The following SEZ6L variants were observed in gnomAD, a reference collection of about 807,000 sequenced individuals.
The protein encoded by SEZ6L is seizure related 6 homolog like, also known as seizure 6-like protein.
SEZ6L carries 37 observed loss-of-function variants against 106.2 expected under a neutral mutation model. The observed-to-expected ratio is 0.35, with a 90% CI of 0.27 to 0.46. SEZ6L has a LOEUF of 0.46. SEZ6L is among the 20% of genes least tolerant of loss of function. SEZ6L has a pLI of 1.00. For synonymous variants in SEZ6L, 541 were observed against 570.4 expected, an observed-to-expected ratio of 0.95 and a Z score of 0.73; for missense variants, 1,172 against 1,332.8, an observed-to-expected ratio of 0.88 and a Z score of 1.88.
chr22:26,272,324 A>G (rs2080395558), intron 1 of SEZ6L, among the ~76,000 whole-genome samples: 1 of 152,222 alleles, frequency 6.6e-6, no homozygotes, highest in African/African-American at 2.4e-5. Flanking sequence ...AAAGTTTATG[A>G]AAAACATGAA....
At chr22:26,360,244 G>C (rs945932281) in intron 12 of SEZ6L, among the ~76,000 whole-genome samples, 1 of 152,170 alleles carries the variant, frequency 6.6e-6, no homozygotes, top group Non-Finnish European at 1.5e-5. Flanking sequence ...CTTAGCCTGG[G>C]GGTCCTGCTC....
At chr22:26,338,867 CTTTTTT>C (rs71192914) in intron 9 of SEZ6L, among the ~76,000 whole-genome samples, 2 of 87,484 alleles carry the variant, frequency 2.3e-5, no homozygotes, top group East Asian at 7.2e-4. Flanking sequence ...TTTTTTTTTT[CTTTTTT>C]TTTTTTTTTT....
intron 1 of SEZ6L, among the ~76,000 whole-genome samples, chr22:26,220,338 T>C (rs1325468081): frequency 6.6e-6 from 1 of 152,202 alleles, no homozygotes; most frequent in East Asian, 1.9e-4. Flanking sequence ...TGCATAGAAT[T>C]GTAAGTCAGC....
At chr22:26,264,614 A>G (rs796182565) in intron 1 of SEZ6L, among the ~76,000 whole-genome samples, 5 of 152,382 alleles carry the variant, frequency 3.3e-5, no homozygotes, top group African/African-American at 1.2e-4. Flanking sequence ...CTAAAGGGCC[A>G]AATAGTAAAT....
intron 1 of SEZ6L, among the ~76,000 whole-genome samples, chr22:26,278,761 G>C (rs2080640145): frequency 6.7e-6 from 1 of 150,316 alleles, no homozygotes; most frequent in Non-Finnish European, 1.5e-5. Flanking sequence ...AAAAGAAGGG[G>C]AAAGAAAGAA....
At chr22:26,239,497 G>A (rs112588351) in intron 1 of SEZ6L, among the ~76,000 whole-genome samples, 8 of 152,174 alleles carry the variant, frequency 5.3e-5, no homozygotes, top group African/African-American at 1.4e-4. Flanking sequence ...TTGTATAGAA[G>A]GAACTGCAAC....
intron 1 of SEZ6L, among the ~76,000 whole-genome samples, chr22:26,266,396 TAA>T (rs1224925819): frequency 3.9e-4 from 45 of 115,006 alleles, no homozygotes; most frequent in Middle Eastern, 4.6e-3. Flanking sequence ...CCGTCTCTAC[TAA>T]AAAAAAAAAA....
intron 1 of SEZ6L, among the ~76,000 whole-genome samples, chr22:26,233,727 C>T (rs2078871543): frequency 6.6e-6 from 1 of 152,164 alleles, no homozygotes; most frequent in South Asian, 2.1e-4. Context: ...ACAAGTAAAC[C>T]CACAAATAAG....
At chr22:26,294,898 TTGCTTGCTTCCTG>T (rs1202211497) in intron 3 of SEZ6L, among the ~76,000 whole-genome samples, 70 of 146,140 alleles carry the variant, frequency 4.8e-4, no homozygotes, top group African/African-American at 1.7e-3. Flanking sequence ...TCTTGCTTGC[TTGCTTGCTTCCTG>T]CTTTCTTGCT....
intron 9 of SEZ6L, among the ~76,000 whole-genome samples, chr22:26,333,717 C>T (rs909656319): frequency 2.6e-5 from 4 of 152,044 alleles, no homozygotes; most frequent in African/African-American, 9.7e-5. Flanking sequence ...GATGAGCATC[C>T]CCAGACCAAT....
At chr22:26,374,606 C>T (rs566597180) in intron 14 of SEZ6L, among the ~76,000 whole-genome samples, 64 of 152,226 alleles carry the variant, frequency 4.2e-4, no homozygotes, top group African/African-American at 1.4e-3. Context: ...GCCATTGTAA[C>T]GTTTTGTGCT....
chr22:26,185,866 G>C (rs1268870884), intron 1 of SEZ6L, among the ~76,000 whole-genome samples: 1 of 152,062 alleles, frequency 6.6e-6, no homozygotes, highest in Non-Finnish European at 1.5e-5. Flanking sequence ...GTGTCTATGT[G>C]ACTTTAAAAG....
At chr22:26,294,714 G>A (rs966762453) in intron 3 of SEZ6L, among the ~76,000 whole-genome samples, 8 of 111,130 alleles carry the variant, frequency 7.2e-5, no homozygotes, top group East Asian at 4.9e-4. Context: ...ACGCATGCAC[G>A]TGCATAAACA....
At chr22:26,267,407 G>A (rs1307803636) in intron 1 of SEZ6L, among the ~76,000 whole-genome samples, 1 of 152,208 alleles carries the variant, frequency 6.6e-6, no homozygotes, top group East Asian at 1.9e-4. Context: ...CATGAGGCTG[G>A]TAATATAACC....
chr22:26,239,117 G>A (rs1467521786), intron 1 of SEZ6L, among the ~76,000 whole-genome samples: 1 of 152,186 alleles, frequency 6.6e-6, no homozygotes, highest in Non-Finnish European at 1.5e-5. Context: ...CCAGCTACTT[G>A]GGAGGCTGAG....
chr22:26,274,866 A>G (rs2080490305), intron 1 of SEZ6L, among the ~76,000 whole-genome samples: 1 of 152,226 alleles, frequency 6.6e-6, no homozygotes, highest in East Asian at 1.9e-4. Flanking sequence ...GGTTGGTCAC[A>G]CAGGCATGAT....
At chr22:26,347,602 T>G (rs968613216) in intron 10 of SEZ6L, 117 bp from the exon 11 acceptor site, 1 of 776,312 alleles carries the variant, frequency 1.3e-6, no homozygotes. Context: ...TTTGGAAGCG[T>G]GTTGCTCATT....
At chr22:26,311,508 G>A (rs1455566390) in intron 7 of SEZ6L, among the ~76,000 whole-genome samples, 1 of 152,222 alleles carries the variant, frequency 6.6e-6, no homozygotes, top group African/African-American at 2.4e-5. Flanking sequence ...ATGTGGAAAG[G>A]CATTAAAACA....
At chr22:26,346,163 G>T (rs1440650052) in intron 10 of SEZ6L, among the ~76,000 whole-genome samples, 2 of 151,992 alleles carry the variant, frequency 1.3e-5, no homozygotes, top group Admixed American at 6.6e-5. Context: ...GAGCAGCTGG[G>T]ACTACAAACA....
Sources: gnomAD v4.1 joint callset for allele counts (sites outside exome capture counted in the v4.1 genomes callset) on GRCh38, gnomAD v4.1.1 for gene constraint, MANE v1.5 for transcripts, NCBI Gene and HGNC (gene_info 2026-07-23, HGNC 2026-07-21) for gene names.